Variants in ZNF248 observed in about 807,000 individuals in gnomAD.
The protein encoded by ZNF248 is KRAB protein domain.
ZNF248 carries 20 observed loss-of-function variants against 44.3 expected under a neutral mutation model. The ratio of observed to expected loss-of-function variants is 0.45; its 90% CI spans 0.32 to 0.66. ZNF248 has a LOEUF of 0.66. ZNF248 is among the 30% of genes least tolerant of loss of function. The probability of loss-of-function intolerance (pLI) is 0.04; values close to 1 mark genes in which losing one functional copy is unlikely to be tolerated. For synonymous variants in ZNF248, 224 were observed against 229.0 expected, an observed-to-expected ratio of 0.98 and a Z score of 0.20; for missense variants, 654 against 677.0, an observed-to-expected ratio of 0.97 and a Z score of 0.38.
Position 37,832,572 on chromosome 10 carries a change from T to C in ZNF248, c.783A>G (p.Gln261=). ...FIESLKLNIS[Q]RPHLEMEPYG... ...ACGGCTCCATTTCCAAATGAGGTCT[T>C]TGAGATATATTCAGCTTTAAACTTT... The change falls in exon 6 of 6, where the codon CAA becomes CAG. Residue 261 remains glutamine (Q), a synonymous_variant. Coordinates refer to ENST00000395867, the MANE Select transcript of ZNF248 (RefSeq NM_021045.3). 6.2e-7 allele frequency: 1 copy of C among 1,613,858 alleles called. No homozygotes were observed.
Position 37,856,354 on chromosome 10 carries a change from G to C in ZNF248, c.-27-17C>G. ...GAAGGAGAGCTGAAGGATTAGAAAG[G>C]AAGAATGTCAGGAGAGCCTTCGCCG... On this transcript the variant is annotated splice_polypyrimidine_tract_variant and intron_variant, in intron 2 of 5. Transcript: ENST00000395867. The C allele has an allele frequency of 1.2e-6, 2 of 1,612,966 alleles. No homozygotes were observed. Among genetic ancestry groups the C allele is most frequent in the Non-Finnish European group, 1.7e-6 (2 of 1,179,582 alleles).
rs1308949463 is a variant in ZNF248 at position 37,829,501 on chromosome 10, T to G, written c.*2114A>C. 1.0e-6 allele frequency: 1 copy of G among 984,434 alleles called. No individual in the cohort carries two copies. The highest frequency in any genetic ancestry group is 6.2e-5 in the Admixed American group (1 of 16,152). The allele number at this position is 984,434 out of a possible 1,614,324, so 61.0% of individuals were successfully genotyped here. A position where few individuals can be genotyped will look rare whatever the true frequency, so the allele number is the denominator to read the frequency against. ...TAGAACATTAACACTTAGAAAAATATTCCTCTGTGTCAGCTGGAATGCCTT... is the reference window on the plus strand; with the variant it reads ...TAGAACATTAACACTTAGAAAAATAGTCCTCTGTGTCAGCTGGAATGCCTT... On this transcript the variant is annotated 3_prime_UTR_variant, in exon 6 of 6. Coordinates refer to ENST00000395867, the MANE Select transcript of ZNF248 (RefSeq NM_021045.3).
chr10:37,801,716 A>G (rs12768391), intron 6 of ZNF248, among the ~76,000 whole-genome samples: 14,921 of 152,228 alleles, frequency 0.098, 970 homozygotes, highest in Admixed American at 0.18. Context: ...TAGATTGGCA[A>G]GAAGTCTAAA....
intron 6 of ZNF248, among the ~76,000 whole-genome samples, chr10:37,815,565 T>G (rs1012594761): frequency 3.3e-5 from 5 of 152,130 alleles, no homozygotes; most frequent in African/African-American, 1.2e-4. Context: ...ATCTTTTAGC[T>G]TTTTAAACAT....
intron 6 of ZNF248, among the ~76,000 whole-genome samples, chr10:37,815,634 A>G (rs1284666418): frequency 2.6e-5 from 4 of 151,828 alleles, no homozygotes; most frequent in Admixed American, 6.6e-5. Context: ...TTTCAGGGAC[A>G]GTTTCTTTTC....
chr10:37,813,783 G>A (rs995324381), intron 6 of ZNF248, among the ~76,000 whole-genome samples: 1 of 152,006 alleles, frequency 6.6e-6, no homozygotes, highest in Non-Finnish European at 1.5e-5. Context: ...TTTCTGTGTT[G>A]GGGGTCAGTG....
At chr10:37,790,224 T>A (rs2048336182) in intron 6 of ZNF248, among the ~76,000 whole-genome samples, 1 of 145,346 alleles carries the variant, frequency 6.9e-6, no homozygotes, top group African/African-American at 2.6e-5. Context: ...TGAGCCGAGA[T>A]CGCGCCACTG....
intron 6 of ZNF248, chr10:37,819,538 T>G: frequency 4.9e-6 from 5 of 1,010,740 alleles, no homozygotes; most frequent in Non-Finnish European, 7.9e-6. Flanking sequence ...ACAACAAATA[T>G]CTGTCATTTA....
the ZNF248 span, among the ~76,000 whole-genome samples, chr10:37,759,427 A>G: frequency 6.6e-6 from 1 of 152,198 alleles, no homozygotes. Context: ...GCTAAGTTAC[A>G]TCTGCTTATG....
intron 5 of ZNF248, among the ~76,000 whole-genome samples, chr10:37,835,221 A>G (rs2056883399): frequency 6.6e-6 from 1 of 152,176 alleles, no homozygotes; most frequent in South Asian, 2.1e-4. Context: ...TTTGCTTTTG[A>G]GTTATATCAG....
chr10:37,799,053 A>G (rs1284178549), intron 6 of ZNF248, among the ~76,000 whole-genome samples: 2 of 152,142 alleles, frequency 1.3e-5, no homozygotes, highest in Non-Finnish European at 2.9e-5. Context: ...CCCTGTATGT[A>G]CATGCTAACA....
At chr10:37,776,417 T>A (rs531067422), downstream of ZNF248, 21 of 390,766 alleles carry the variant, frequency 5.4e-5, no homozygotes, top group African/African-American at 3.1e-4. Flanking sequence ...GTGCAAACTG[T>A]CAGGCTCTGC....
At chr10:37,758,598 G>C in the ZNF248 span, among the ~76,000 whole-genome samples, 1 of 152,124 alleles carries the variant, frequency 6.6e-6, no homozygotes, top group East Asian at 1.9e-4. Context: ...CCTATTCCAA[G>C]CCAATGCCAC....
downstream of ZNF248, among the ~76,000 whole-genome samples, chr10:37,824,673 A>ATTTTTTTTTTTT (rs755411927): frequency 0.01 from 818 of 79,708 alleles, 161 homozygotes; most frequent in African/African-American, 0.026. Context: ...ATTATTTTAA[A>ATTTTTTTTTTTT]TTTTTTTTTT....
At chr10:37,856,369 A>C in intron 2 of ZNF248, 32 bp from the exon 3 acceptor site, 4 of 1,610,734 alleles carry the variant, frequency 2.5e-6, no homozygotes. Context: ...ATGTCAGGAG[A>C]GCCTTCGCCG....
intron 6 of ZNF248, among the ~76,000 whole-genome samples, chr10:37,808,004 G>C (rs1297630889): frequency 6.6e-6 from 1 of 152,022 alleles, no homozygotes; most frequent in Non-Finnish European, 1.5e-5. Flanking sequence ...CATTGACGTA[G>C]TTTCCTTCTA....
At chr10:37,800,712 C>T (rs1385693144) in intron 6 of ZNF248, among the ~76,000 whole-genome samples, 1 of 151,880 alleles carries the variant, frequency 6.6e-6, no homozygotes, top group African/African-American at 2.4e-5. Flanking sequence ...TCCACAGTGG[C>T]TGAACTAATT....
chr10:37,810,200 T>C (rs2051270942), intron 6 of ZNF248, among the ~76,000 whole-genome samples: 1 of 152,198 alleles, frequency 6.6e-6, no homozygotes, highest in South Asian at 2.1e-4. Flanking sequence ...CAAGTTGGCT[T>C]ATTGTGTTTT....
chr10:37,828,777 G>T lies in ZNF248; in HGVS notation c.*2838C>A, dbSNP rs1314414880. 3.0e-6 allele frequency: 3 copies of T among 985,170 alleles called. No individual in the cohort carries two copies. The highest frequency in any genetic ancestry group is 3.6e-6 in the Non-Finnish European group (3 of 829,868). The allele number at this position is 985,170 out of a possible 1,614,324, so 61.0% of individuals were successfully genotyped here. On this transcript the variant is annotated 3_prime_UTR_variant, in exon 6 of 6. Transcript: ENST00000395867. ...TAATCAAACAGTGCAGGGACAACTG[G>T]CTATTTATTTGGAAGAATACAGAGC...
Sources: allele counts gnomAD v4.1 joint callset (sites outside exome capture counted in the v4.1 genomes callset), GRCh38; gene constraint gnomAD v4.1.1; transcripts MANE v1.5; gene names NCBI Gene and HGNC (gene_info 2026-07-23, HGNC 2026-07-21).